Variants in CYP2E1 observed in about 807,000 individuals in gnomAD.
CYP2E1 encodes the protein cytochrome P450 family 2 subfamily E member 1.
In CYP2E1, 31 loss-of-function variants were observed where a neutral mutation model predicts 42.9. The ratio of observed to expected loss-of-function variants is 0.72; its 90% confidence interval spans 0.54 to 0.98. The LOEUF is 0.98. Ranked by LOEUF, CYP2E1 falls within the 50% of genes least tolerant of loss-of-function variation. The pLI, the probability that CYP2E1 is intolerant of heterozygous loss-of-function variation, is 0.00. For synonymous variants in CYP2E1, 244 were observed against 248.9 expected, an observed-to-expected ratio of 0.98 and a Z score of 0.19; for missense variants, 565 against 633.2, an observed-to-expected ratio of 0.89 and a Z score of 1.16.
At chr10:133,529,737 G>A (rs990300159) in intron 2 of CYP2E1, among the ~76,000 whole-genome samples, 1 of 152,186 alleles carries the variant, frequency 6.6e-6, no homozygotes, top group African/African-American at 2.4e-5. Flanking sequence ...TGGCGGGCGG[G>A]GGTCGCCGGC....
At chr10:133,530,912 A>G (rs1851328038) in intron 2 of CYP2E1, among the ~76,000 whole-genome samples, 1 of 152,212 alleles carries the variant, frequency 6.6e-6, no homozygotes, top group Admixed American at 6.5e-5. Context: ...AAGAATAAAA[A>G]GTTTAGCTTT....
chr10:133,532,149 C>T lies in CYP2E1; in HGVS notation c.513C>T (p.Leu171=). The T allele has an allele frequency of 1.2e-6, 2 of 1,613,920 alleles. No individual in the cohort carries two copies. The highest frequency in any genetic ancestry group is 1.7e-6 in the Non-Finnish European group (2 of 1,179,964). Reference sequence around the variant, plus strand: ...GCCAGCCTTTCGACCCCACCTTCCTCATCGGCTGCGCGCCCTGCAACGTCA... The same window carrying T: ...GCCAGCCTTTCGACCCCACCTTCCTTATCGGCTGCGCGCCCTGCAACGTCA... ...TQGQPFDPTF[L]IGCAPCNVIA... is the part of the protein sequence containing the mutation. The change falls in exon 4 of 9, where the codon CTC becomes CTT. Residue 171 remains leucine (L), a synonymous_variant. Transcript: ENST00000252945.
At chr10:133,532,321 TAG>T (rs1301600557) in intron 4 of CYP2E1, 37 bp downstream of exon 4, 1 of 1,590,222 alleles carries the variant, frequency 6.3e-7, no homozygotes. Context: ...TCATCAACTG[TAG>T]AGTTTACGTT....
Position 133,538,986 on chromosome 10 carries a change from C to A in CYP2E1, c.*22C>A, listed in dbSNP as rs7081484. 4.5e-6 allele frequency: 7 copies of A among 1,543,632 alleles called. No individual in the cohort carries two copies. In the African/African-American group the frequency reaches 8.3e-5, roughly 18 times the overall value. ...ATGAGTGTGTGGAGGACACCCTGAA[C>A]CCCCCGCTTTCAAACAAGTTTTCAA... On this transcript the variant is annotated 3_prime_UTR_variant, in exon 9 of 9. Coordinates refer to ENST00000252945, the MANE Select transcript of CYP2E1 (RefSeq NM_000773.4).
rs111277604 is a variant in CYP2E1, at chr10:133,536,063, G to A, written c.968-1000G>A. On this transcript the variant is annotated intron_variant, in intron 6 of 8. Coordinates refer to ENST00000252945, the MANE Select transcript of CYP2E1 (RefSeq NM_000773.4). ...CAGATTCAAGAAGTAGACCCTGCAT[G>A]TCTGATTCTGTTCTGTAAACCCCCT... Among the ~76,000 whole-genome samples, 253 of 152,306 alleles carry A rather than the reference G, an allele frequency of 1.7e-3. 3 individuals are homozygous for A. Among genetic ancestry groups the A allele is most frequent in the African/African-American group, 5.7e-3 (236 of 41,560 alleles).
chr10:133,537,972 C>T (rs930836327), intron 8 of CYP2E1, 80 bp downstream of exon 8: 132 of 1,441,268 alleles, frequency 9.2e-5, no homozygotes, highest in Middle Eastern at 1.8e-4. Flanking sequence ...GCTCTGCCCT[C>T]GTCCCAGGCA....
chr10:133,538,732 G>A (rs372930255), intron 8 of CYP2E1, 48 bp from the exon 9 acceptor site: 2 of 1,537,676 alleles, frequency 1.3e-6, no homozygotes, highest in African/African-American at 2.7e-5. Context: ...ACAGTGTCGT[G>A]TCTCTGAAAC....
chr10:133,528,426 CCCCGCACCTCCTCG>C, intron 1 of CYP2E1, 41 bp from the exon 2 acceptor site: 1 of 1,599,198 alleles, frequency 6.3e-7, no homozygotes, highest in Non-Finnish European at 8.5e-7. Flanking sequence ...TGGCTTAGAG[CCCCGCACCTCCTCG>C]CCGCGCGGCG....
At position 133,531,566 on chromosome 10, in the gene CYP2E1, G is replaced by T. The variant is rs1200462128; in HGVS notation, c.338-19G>T. ...AAATGGGTATTTAGAATAACCTTCT[G>T]CTGGCCCCTCTGCCTTAGGAATCAT... On this transcript the variant is annotated intron_variant, in intron 2 of 8. Transcript: ENST00000252945. 2 of 1,613,902 alleles carry T rather than the reference G, an allele frequency of 1.2e-6. No homozygotes were observed. Among genetic ancestry groups the T allele is most frequent in the East Asian group, 2.2e-5 (1 of 44,862 alleles).
intron 2 of CYP2E1, among the ~76,000 whole-genome samples, chr10:133,530,994 G>A (rs1452928554): frequency 6.6e-6 from 1 of 152,204 alleles, no homozygotes; most frequent in East Asian, 1.9e-4. Context: ...GGAGAGACAG[G>A]GCAGGGCCAG....
rs557503597 is a variant in CYP2E1, at chr10:133,530,505, C to T, written c.338-1080C>T. On this transcript the variant is annotated intron_variant, in intron 2 of 8. Transcript: ENST00000252945. ...ACCCACCTCATCTCATGTGCCCTCC[C>T]GCCCCTCTCAGGCCGGACAGCCTTG... 3.0e-4 allele frequency among the ~76,000 whole-genome samples: 46 copies of T among 152,272 alleles called. 1 individual carries two copies. In the South Asian group the frequency reaches 7.3e-3, roughly 24 times the overall value.
intron 6 of CYP2E1, 77 bp from the exon 7 acceptor site, chr10:133,536,986 A>AGATAGGTGGAT (rs1851413470): frequency 1.1e-5 from 11 of 1,046,586 alleles, no homozygotes; most frequent in Non-Finnish European, 1.6e-5. Flanking sequence ...GTGATTGAAT[A>AGATAGGTGGAT]GATGGGTGGA....
At chr10:133,528,132 A>G (rs952901078) in intron 1 of CYP2E1, 17 of 251,184 alleles carry the variant, frequency 6.8e-5, no homozygotes, top group African/African-American at 3.2e-4. Flanking sequence ...CTCCCGCGCC[A>G]GAACCGGGTC....
Position 133,529,789 on chromosome 10 carries a change from G to A in CYP2E1, c.337+1149G>A, listed in dbSNP as rs868497173. ...GCGCCAGGACCGCGTCCAGAACCTT[G>A]TCTCCGGAAGCGGGCAACGGGGTGG... On this transcript the variant is annotated intron_variant, in intron 2 of 8. Transcript: ENST00000252945. Among the ~76,000 whole-genome samples the A allele has an allele frequency of 3.9e-5, 6 of 152,360 alleles. No individual in the cohort carries two copies. In the South Asian group the frequency reaches 1.2e-3, roughly 32 times the overall value.
Position 133,532,676 on chromosome 10 carries a change from T to C in CYP2E1, c.649-16T>C, listed in dbSNP as rs753894772. The C allele has an allele frequency of 2.0e-5, 31 of 1,559,540 alleles. No homozygotes were observed. The highest frequency in any genetic ancestry group is 2.7e-5 in the Non-Finnish European group (31 of 1,156,662). On this transcript the variant is annotated splice_polypyrimidine_tract_variant and intron_variant, in intron 4 of 8. Transcript: ENST00000252945. ...CATCCAGAAAAAAGTAGTAAAATAT[T>C]TTTTTCCCTCTCTAGCTTTACAATA...
intron 2 of CYP2E1, 57 bp downstream of exon 2, chr10:133,528,697 A>AT: frequency 6.3e-7 from 1 of 1,595,774 alleles, no homozygotes; most frequent in African/African-American, 1.3e-5. Flanking sequence ...CGGGACAGTT[A>AT]CGGGCGCTAG....
chr10:133,537,973 G>T, intron 8 of CYP2E1, 81 bp downstream of exon 8: 1 of 1,443,592 alleles, frequency 6.9e-7, no homozygotes, highest in Admixed American at 2.1e-5. Context: ...CTCTGCCCTC[G>T]TCCCAGGCAC....
rs1297297780 is a variant in CYP2E1 at position 133,538,839 on chromosome 10, G to A, written c.1357G>A (p.Ala453Thr). The A allele has an allele frequency of 1.2e-6, 2 of 1,614,006 alleles. No individual in the cohort carries two copies. The highest frequency in any genetic ancestry group is 8.5e-7 in the Non-Finnish European group (1 of 1,179,960). The change falls in exon 9 of 9, where the codon GCC becomes ACC. Residue 453 changes from alanine to threonine, a missense_variant. Transcript: ENST00000252945. ...CATGGAGTTGTTTCTTTTGTTGTGT[G>A]CCATTTTGCAGCATTTTAATTTGAA... Reference protein sequence around the residue: ...ARMELFLLLCAILQHFNLKPL... With the variant: ...ARMELFLLLCTILQHFNLKPL...
intron 1 of CYP2E1, among the ~76,000 whole-genome samples, chr10:133,527,778 G>GC (rs1851288007): frequency 6.6e-6 from 1 of 152,170 alleles, no homozygotes; most frequent in Non-Finnish European, 1.5e-5. Context: ...GGCCCCGGAG[G>GC]CCCCCGCCGG....
Sources: gnomAD v4.1 joint callset for allele counts (sites outside exome capture counted in the v4.1 genomes callset) on GRCh38, gnomAD v4.1.1 for gene constraint, MANE v1.5 for transcripts, NCBI Gene and HGNC (gene_info 2026-07-23, HGNC 2026-07-21) for gene names.